MAGI2: variants seen among roughly 807,000 people sequenced by gnomAD.
The protein encoded by MAGI2 is membrane-associated guanylate kinase, WW and PDZ domain-containing protein 2.
In MAGI2, 35 loss-of-function variants were observed where a neutral mutation model predicts 133.3. The ratio of observed to expected loss-of-function variants is 0.26; its 90% CI spans 0.20 to 0.35. MAGI2 has a LOEUF of 0.35. MAGI2 is among the 10% of genes least tolerant of loss of function. MAGI2 has a pLI of 1.00. For synonymous variants in MAGI2, 729 were observed against 710.6 expected, an observed-to-expected ratio of 1.03 and a Z score of -0.41; for missense variants, 1,636 against 1,863.4, an observed-to-expected ratio of 0.88 and a Z score of 2.25.
intron 9 of MAGI2, among the ~76,000 whole-genome samples, chr7:78,265,308 C>A (rs1044365235): frequency 4.6e-5 from 7 of 152,116 alleles, no homozygotes; most frequent in African/African-American, 1.4e-4. Flanking sequence ...AACAACACTT[C>A]AGATTAAAAA....
At chr7:78,048,096 T>C (rs1484695509) in intron 21 of MAGI2, among the ~76,000 whole-genome samples, 1 of 152,200 alleles carries the variant, frequency 6.6e-6, no homozygotes. Context: ...AAGTGCCTTG[T>C]ACCAAAAGCT....
intron 2 of MAGI2, among the ~76,000 whole-genome samples, chr7:78,909,439 A>C (rs565141574): frequency 7.9e-5 from 12 of 150,978 alleles, no homozygotes; most frequent in Middle Eastern, 3.4e-3. Flanking sequence ...TAAAAAAAAA[A>C]AAAAACAAAA....
chr7:79,363,370 T>C (rs1223877257), intron 1 of MAGI2, among the ~76,000 whole-genome samples: 1 of 148,024 alleles, frequency 6.8e-6, no homozygotes, highest in Non-Finnish European at 1.5e-5. Context: ...CATACTCTGT[T>C]CGTGTATTGG....
chr7:78,606,058 C>T (rs953188050), intron 3 of MAGI2, among the ~76,000 whole-genome samples: 1 of 152,092 alleles, frequency 6.6e-6, no homozygotes, highest in African/African-American at 2.4e-5. Context: ...TTGAAAGGAC[C>T]TCATGATTAA....
intron 1 of MAGI2, among the ~76,000 whole-genome samples, chr7:79,049,129 C>T (rs1812443680): frequency 6.6e-6 from 1 of 152,062 alleles, no homozygotes. Flanking sequence ...TAATGTTACT[C>T]ATCCACAAAG....
intron 1 of MAGI2, among the ~76,000 whole-genome samples, chr7:79,232,572 T>C (rs1831465920): frequency 1.2e-5 from 1 of 85,948 alleles, no homozygotes; most frequent in Non-Finnish European, 2.2e-5. Flanking sequence ...TTTTCTAGTT[T>C]ATTTGCGTAG....
chr7:79,011,767 C>T (rs1349208486), intron 1 of MAGI2, among the ~76,000 whole-genome samples: 2 of 152,094 alleles, frequency 1.3e-5, no homozygotes, highest in Admixed American at 6.6e-5. Flanking sequence ...TTCAATCACA[C>T]TCAACAAAAT....
intron 6 of MAGI2, among the ~76,000 whole-genome samples, chr7:78,481,710 A>G (rs915738282): frequency 2.3e-5 from 3 of 127,880 alleles, no homozygotes; most frequent in East Asian, 3.2e-4. Context: ...ATCCATAGGG[A>G]AAAAAAAATA....
At chr7:78,846,167 T>C (rs1377407620) in intron 2 of MAGI2, among the ~76,000 whole-genome samples, 1 of 151,730 alleles carries the variant, frequency 6.6e-6, no homozygotes, top group Non-Finnish European at 1.5e-5. Flanking sequence ...CATGGGGAAG[T>C]AATGTCAATC....
intron 3 of MAGI2, among the ~76,000 whole-genome samples, chr7:78,594,377 A>G (rs1206204520): frequency 6.6e-6 from 1 of 152,220 alleles, no homozygotes; most frequent in Non-Finnish European, 1.5e-5. Context: ...CAAAGGCTGG[A>G]ATGTAACAAA....
At chr7:79,272,867 G>A (rs771288990) in intron 1 of MAGI2, among the ~76,000 whole-genome samples, 10 of 151,918 alleles carry the variant, frequency 6.6e-5, no homozygotes, top group Non-Finnish European at 1.0e-4. Context: ...ACTCGAATTC[G>A]AGAGCAATGA....
At position 79,437,945 on chromosome 7, in the gene MAGI2, T is replaced by C. The variant is rs1299860950; in HGVS notation, c.301+15075A>G. 2.6e-5 allele frequency among the ~76,000 whole-genome samples: 4 copies of C among 152,254 alleles called. No homozygotes were observed. The East Asian group carries it at 7.7e-4, about 29-fold the overall frequency. ...AGATTGGTTTGTATATTATTATAGA[T>C]GTATGTCCTCCTCTTCCCCTATTAG... On this transcript the variant is annotated intron_variant, in intron 1 of 21. Coordinates refer to ENST00000354212, the MANE Select transcript of MAGI2 (RefSeq NM_012301.4).
chr7:78,811,070 A>G (rs1289524332), intron 2 of MAGI2, among the ~76,000 whole-genome samples: 1 of 152,114 alleles, frequency 6.6e-6, no homozygotes, highest in Admixed American at 6.5e-5. Context: ...CTGAAAATCC[A>G]TAATTCCATA....
chr7:78,030,003 A>T (rs1310786877), intron 21 of MAGI2, among the ~76,000 whole-genome samples: 1 of 152,218 alleles, frequency 6.6e-6, no homozygotes, highest in East Asian at 1.9e-4. Flanking sequence ...TGCTGAGTCA[A>T]GATTTGTCCT....
intron 6 of MAGI2, among the ~76,000 whole-genome samples, chr7:78,414,027 T>G (rs1318576681): frequency 1.3e-5 from 2 of 152,066 alleles, no homozygotes; most frequent in African/African-American, 4.8e-5. Flanking sequence ...CACAGATTTT[T>G]AGTAAAAAGC....
chr7:78,061,443 C>CAT (rs1554429013), intron 21 of MAGI2, among the ~76,000 whole-genome samples: 1 of 139,552 alleles, frequency 7.2e-6, no homozygotes, highest in Non-Finnish European at 1.6e-5. Flanking sequence ...CACACACACA[C>CAT]ACACACACAC....
intron 2 of MAGI2, among the ~76,000 whole-genome samples, chr7:78,653,098 C>T (rs571649053): frequency 1.7e-3 from 260 of 152,236 alleles, no homozygotes; most frequent in African/African-American, 5.7e-3. Context: ...CCATCTCATG[C>T]CCGTTAGAAT....
rs769054184 is a variant in MAGI2, at chr7:78,497,734, A to ATCTGTCTGTCTGTCTGTCTG, written c.965+3842_965+3843insCAGACAGACAGACAGACAGA. On this transcript the variant is annotated intron_variant, in intron 5 of 21. Transcript: ENST00000354212. Reference sequence around the variant, plus strand: ...TCAGAAATAACTATTCTATCTATCTATCTATCTATCTATCTATCTATCTAT... The same window carrying ATCTGTCTGTCTGTCTGTCTG: ...TCAGAAATAACTATTCTATCTATCTATCTGTCTGTCTGTCTGTCTGTCTATCTATCTATCTATCTATCTAT... Among the ~76,000 whole-genome samples, 4 of 87,136 alleles carry ATCTGTCTGTCTGTCTGTCTG rather than the reference A, an allele frequency of 4.6e-5. No individual in the cohort carries two copies. In the South Asian group the frequency reaches 1.5e-3, roughly 33 times the overall value. 57.2% of individuals were successfully genotyped at this position (87,136 alleles called of 152,430 possible). A position where few individuals can be genotyped will look rare whatever the true frequency, so the allele number is the denominator to read the frequency against.
At chr7:79,380,041 A>T (rs1015279024) in intron 1 of MAGI2, among the ~76,000 whole-genome samples, 3 of 151,600 alleles carry the variant, frequency 2.0e-5, no homozygotes, top group South Asian at 2.1e-4. Context: ...AACCATAAAA[A>T]CCCTAGAAGA....
Sources: gnomAD v4.1 joint callset for allele counts (sites outside exome capture counted in the v4.1 genomes callset) on GRCh38, gnomAD v4.1.1 for gene constraint, MANE v1.5 for transcripts, NCBI Gene and HGNC (gene_info 2026-07-23, HGNC 2026-07-21) for gene names.